Variants in MIPEP observed in about 807,000 individuals in gnomAD.
MIPEP encodes mitochondrial intermediate peptidase.
In MIPEP, 79 loss-of-function variants were observed where a neutral mutation model predicts 90.3. The ratio of observed to expected loss-of-function variants is 0.87; its 90% CI spans 0.73 to 1.05. MIPEP has a LOEUF of 1.05. MIPEP is among the 50% of genes least tolerant of loss of function. The pLI is 0.00. For synonymous variants in MIPEP, 334 were observed against 315.8 expected, an observed-to-expected ratio of 1.06 and a Z score of -0.61; for missense variants, 940 against 905.6, an observed-to-expected ratio of 1.04 and a Z score of -0.49.
intron 9 of MIPEP, 60 bp from the exon 10 acceptor site, chr13:23,858,972 C>T: frequency 7.3e-7 from 1 of 1,378,358 alleles, no homozygotes; most frequent in African/African-American, 1.4e-5. Context: ...TTTTTATCAG[C>T]AACGTGGCCA....
chr13:23,787,934 A>G (rs1327711290), intron 16 of MIPEP, among the ~76,000 whole-genome samples: 1 of 152,208 alleles, frequency 6.6e-6, no homozygotes, highest in Non-Finnish European at 1.5e-5. Flanking sequence ...AAGGGTCCCT[A>G]TGATTACTAT....
At chr13:23,862,233 G>A (rs1870339193) in intron 9 of MIPEP, 69 bp downstream of exon 9, 9 of 963,618 alleles carry the variant, frequency 9.3e-6, no homozygotes, top group Non-Finnish European at 9.6e-6. Context: ...GAAAGTTCCT[G>A]AATCAAAAGA....
intron 18 of MIPEP, among the ~76,000 whole-genome samples, chr13:23,743,361 C>A (rs1161595405): frequency 6.6e-6 from 1 of 152,224 alleles, no homozygotes; most frequent in African/African-American, 2.4e-5. Context: ...TATGGCTCAC[C>A]ATCTTGACTT....
chr13:23,812,226 T>A (rs1186784271), intron 14 of MIPEP, among the ~76,000 whole-genome samples: 1 of 152,030 alleles, frequency 6.6e-6, no homozygotes, highest in Admixed American at 6.5e-5. Flanking sequence ...TAGGGGACGG[T>A]ATGTGAGCTG....
At chr13:23,792,291 T>G (rs1952904949) in intron 16 of MIPEP, among the ~76,000 whole-genome samples, 1 of 152,230 alleles carries the variant, frequency 6.6e-6, no homozygotes, top group Admixed American at 6.5e-5. Context: ...TCCAACTACC[T>G]ATTTGACATC....
chr13:23,855,809 T>C (rs1870025701), intron 10 of MIPEP, among the ~76,000 whole-genome samples: 2 of 152,190 alleles, frequency 1.3e-5, no homozygotes, highest in South Asian at 4.1e-4. Context: ...TAAATTAGTA[T>C]TAAAACTTTA....
chr13:23,868,813 A>G (rs1870654556), intron 7 of MIPEP, among the ~76,000 whole-genome samples: 1 of 152,182 alleles, frequency 6.6e-6, no homozygotes, highest in African/African-American at 2.4e-5. Context: ...TTTATGACAA[A>G]CCCAACGACA....
intron 6 of MIPEP, among the ~76,000 whole-genome samples, 186 bp downstream of exon 6, chr13:23,869,827 A>C (rs1172449776): frequency 6.6e-6 from 1 of 152,260 alleles, no homozygotes; most frequent in Non-Finnish European, 1.5e-5. Flanking sequence ...ATGAAATATA[A>C]GTAATTAAAT....
At chr13:23,819,912 GGGA>G (rs1486203259) in intron 14 of MIPEP, among the ~76,000 whole-genome samples, 3 of 151,992 alleles carry the variant, frequency 2.0e-5, no homozygotes, top group Non-Finnish European at 2.9e-5. Context: ...GGGAGGCTGA[GGGA>G]GGAGAATTGC....
At chr13:23,791,485 C>G (rs538878714) in intron 16 of MIPEP, among the ~76,000 whole-genome samples, 2 of 152,170 alleles carry the variant, frequency 1.3e-5, no homozygotes, top group Non-Finnish European at 2.9e-5. Flanking sequence ...CGGAAGAGGA[C>G]TTCCACAACA....
At chr13:23,815,061 T>C (rs1953217691) in intron 14 of MIPEP, among the ~76,000 whole-genome samples, 1 of 152,242 alleles carries the variant, frequency 6.6e-6, no homozygotes, top group Non-Finnish European at 1.5e-5. Context: ...AAAATGTTAA[T>C]ACATCAGGTT....
In MIPEP at chr13:23,886,397, G is replaced by T. The variant is rs766163320; in HGVS notation, c.299C>A (p.Pro100His). 4 of 1,607,992 alleles carry T rather than the reference G, an allele frequency of 2.5e-6. No homozygotes were observed. The Admixed American group carries it at 6.7e-5, about 27-fold the overall frequency. ...GAAGATCAGCACGGTCTGGGGCCCA[G>T]GTGGGGTGGAACATGCACGGTCCAC... The part of the protein sequence containing the change: ...LLVDRACSTP[P>H]GPQTVLIFDE... The change falls in exon 2 of 19, where the codon CCT becomes CAT. Residue 100 changes from proline to histidine, a missense_variant. Pro to His is a moderately conservative substitution (Grantham distance 77). Transcript: ENST00000382172.
chr13:23,753,234 A>AT (rs1368972502), intron 18 of MIPEP, among the ~76,000 whole-genome samples: 35 of 151,402 alleles, frequency 2.3e-4, no homozygotes, highest in South Asian at 6.2e-4. Context: ...AAAAAAAAAA[A>AT]AAAAAATAAT....
At position 23,837,721 on chromosome 13, in the gene MIPEP, CT is replaced by C. The variant is rs772881220; in HGVS notation, c.1373del (p.Lys458ArgfsTer11). 1 of 1,613,928 alleles carries C rather than the reference CT, an allele frequency of 6.2e-7. No homozygotes were observed. Among genetic ancestry groups the C allele is most frequent in the South Asian group, 1.1e-5 (1 of 91,078 alleles). ...CTGGGAGTTGATAGTCTCCATCTTC[CT>C]TTAGTCTGCCTCCACGGATAGTGAA... The part of the protein sequence containing the change: ...CHFTIRGGRL[K>X]EDGDYQLPVV... On this transcript the variant is annotated frameshift_variant, in exon 13 of 19. Coordinates refer to ENST00000382172, the MANE Select transcript of MIPEP (RefSeq NM_005932.4). LOFTEE classifies it high-confidence loss of function.
At chr13:23,778,557 A>C (rs1196817123) in intron 16 of MIPEP, among the ~76,000 whole-genome samples, 1 of 152,170 alleles carries the variant, frequency 6.6e-6, no homozygotes, top group Non-Finnish European at 1.5e-5. Context: ...AAGAATGCTG[A>C]ACACACAGAT....
chr13:23,752,756 G>A (rs1386441527), intron 18 of MIPEP, among the ~76,000 whole-genome samples: 1 of 152,136 alleles, frequency 6.6e-6, no homozygotes, highest in Non-Finnish European at 1.5e-5. Flanking sequence ...ATTGCCACAT[G>A]TGTTTAGTGG....
intron 1 of MIPEP, chr13:23,888,567 T>C: frequency 3.1e-6 from 1 of 326,460 alleles, no homozygotes; most frequent in Non-Finnish European, 4.4e-6. Flanking sequence ...CATGGCACTA[T>C]GGGAAGTGAG....
chr13:23,776,626 T>C (rs1273754794), intron 16 of MIPEP, among the ~76,000 whole-genome samples: 1 of 152,216 alleles, frequency 6.6e-6, no homozygotes, highest in African/African-American at 2.4e-5. Context: ...TAAATAAAAG[T>C]TGTGGTTTTA....
chr13:23,777,566 G>A (rs950510957), intron 16 of MIPEP, among the ~76,000 whole-genome samples: 1 of 152,144 alleles, frequency 6.6e-6, no homozygotes, highest in Non-Finnish European at 1.5e-5. Context: ...TGTTATCACT[G>A]GGGAAGCTGG....
Sources: allele counts gnomAD v4.1 joint callset (sites outside exome capture counted in the v4.1 genomes callset), GRCh38; gene constraint gnomAD v4.1.1; transcripts MANE v1.5; gene names NCBI Gene and HGNC (gene_info 2026-07-23, HGNC 2026-07-21).